CSMD1: variants seen among roughly 807,000 people sequenced by gnomAD.
CSMD1 encodes the protein CUB and sushi domain-containing protein 1.
In CSMD1, 213 loss-of-function variants were observed where a neutral mutation model predicts 417.5. The ratio of observed to expected loss-of-function variants is 0.51; its 90% CI spans 0.46 to 0.57. CSMD1 has a LOEUF of 0.57. Ranked by LOEUF, CSMD1 falls within the 20% of genes least tolerant of loss-of-function variation. The pLI, the probability that CSMD1 is intolerant of heterozygous loss-of-function variation, is 0.00. For synonymous variants in CSMD1, 2,862 were observed against 1,736.8 expected (o/e 1.65, Z -16.11); for missense variants, 6,923 against 4,529.7 (o/e 1.53, Z -15.17).
At chr8:4,731,551 A>C (rs1273317824) in intron 1 of CSMD1, among the ~76,000 whole-genome samples, 3 of 152,250 alleles carry the variant, frequency 2.0e-5, no homozygotes, top group African/African-American at 7.2e-5. Context: ...TTCATTAATT[A>C]TTAAATACAT....
intron 3 of CSMD1, among the ~76,000 whole-genome samples, chr8:4,217,678 G>T (rs992612169): frequency 5.3e-5 from 8 of 151,716 alleles, no homozygotes; most frequent in Non-Finnish European, 8.8e-5. Flanking sequence ...AAAATTAGGA[G>T]CTAATTTTGT....
chr8:4,858,622 C>G (rs7815296), intron 1 of CSMD1, among the ~76,000 whole-genome samples: 1 of 152,132 alleles, frequency 6.6e-6, no homozygotes, highest in South Asian at 2.1e-4. Context: ...ACACCAACAA[C>G]AGACAAACAG....
At chr8:4,117,715 A>C (rs1802238787) in intron 3 of CSMD1, among the ~76,000 whole-genome samples, 1 of 152,172 alleles carries the variant, frequency 6.6e-6, no homozygotes, top group African/African-American at 2.4e-5. Flanking sequence ...TAACTTCATC[A>C]CATAGCTTTT....
chr8:4,799,154 G>C (rs192660967), intron 1 of CSMD1, among the ~76,000 whole-genome samples: 1 of 152,230 alleles, frequency 6.6e-6, no homozygotes, highest in African/African-American at 2.4e-5. Context: ...TGAGAGATGT[G>C]CTTACATAAA....
chr8:3,036,072 T>C (rs1364625448), intron 50 of CSMD1, among the ~76,000 whole-genome samples: 1 of 152,196 alleles, frequency 6.6e-6, no homozygotes, highest in Non-Finnish European at 1.5e-5. Flanking sequence ...AAACAATATA[T>C]AGTCCTGTGC....
intron 3 of CSMD1, among the ~76,000 whole-genome samples, chr8:4,293,076 C>G (rs1051234721): frequency 2.0e-5 from 3 of 152,136 alleles, no homozygotes; most frequent in Non-Finnish European, 2.9e-5. Context: ...TGGAGTAGAA[C>G]CATGCACTGC....
At chr8:4,908,744 A>C (rs9987079) in intron 1 of CSMD1, among the ~76,000 whole-genome samples, 152,185 of 152,244 alleles carry the variant, frequency 1, 76,063 homozygotes, top group Middle Eastern at 1. Context: ...CTAGTAATTC[A>C]TTTTGATGCT....
chr8:2,974,682 G>T (rs185827255), intron 55 of CSMD1, 58 bp from the exon 56 acceptor site: 5 of 1,350,136 alleles, frequency 3.7e-6, no homozygotes, highest in Non-Finnish European at 5.0e-6. Flanking sequence ...ACTTTGTATT[G>T]GAAAATCTCC....
chr8:3,947,783 C>T (rs184995917), intron 5 of CSMD1, among the ~76,000 whole-genome samples: 6 of 152,274 alleles, frequency 3.9e-5, no homozygotes, highest in Non-Finnish European at 2.9e-5. Flanking sequence ...AGGACTGTGT[C>T]TTCCGCTGTT....
intron 51 of CSMD1, among the ~76,000 whole-genome samples, chr8:3,019,956 A>G (rs1426969057): frequency 6.6e-6 from 1 of 152,240 alleles, no homozygotes; most frequent in Non-Finnish European, 1.5e-5. Context: ...TAAGAGTGCT[A>G]GGTGAGCACT....
chr8:3,535,986 G>T (rs963692036), intron 10 of CSMD1, among the ~76,000 whole-genome samples: 3 of 152,126 alleles, frequency 2.0e-5, no homozygotes, highest in Non-Finnish European at 4.4e-5. Flanking sequence ...TCCAGGGAGG[G>T]ACTCTCCCAG....
intron 3 of CSMD1, among the ~76,000 whole-genome samples, chr8:4,140,659 C>G (rs529698386): frequency 2.0e-5 from 3 of 150,778 alleles, no homozygotes; most frequent in African/African-American, 7.5e-5. Context: ...CAGAGCAAGA[C>G]CCTGTCTCAA....
In CSMD1 at chr8:3,928,638, T is replaced by C. The variant is rs559572914; in HGVS notation, c.818+69265A>G. Among the ~76,000 whole-genome samples, 4 of 149,694 alleles carry C rather than the reference T, an allele frequency of 2.7e-5. No individual in the cohort carries two copies. In the South Asian group the frequency reaches 8.6e-4, roughly 32 times the overall value. On this transcript the variant is annotated intron_variant, in intron 5 of 69. Coordinates refer to ENST00000635120, the MANE Select transcript of CSMD1 (RefSeq NM_033225.6). Reference sequence around the variant, plus strand: ...GAAGGAGAAGGAAGTAATAAGAGTATACATGACAATAAAAATGGTTTAAAG... The same window carrying C: ...GAAGGAGAAGGAAGTAATAAGAGTACACATGACAATAAAAATGGTTTAAAG...
chr8:4,876,175 T>C (rs371735115), intron 1 of CSMD1, among the ~76,000 whole-genome samples: 3 of 152,062 alleles, frequency 2.0e-5, no homozygotes, highest in South Asian at 2.1e-4. Flanking sequence ...CCCTGCTGGG[T>C]AATAACATAA....
intron 3 of CSMD1, among the ~76,000 whole-genome samples, chr8:4,070,655 C>G (rs376217067): frequency 9.3e-4 from 141 of 152,266 alleles, no homozygotes; most frequent in African/African-American, 3.2e-3. Context: ...CCGTGCCCGG[C>G]CACCACCTAT....
chr8:4,671,102 G>C (rs946680053), intron 1 of CSMD1, among the ~76,000 whole-genome samples: 1 of 152,202 alleles, frequency 6.6e-6, no homozygotes, highest in African/African-American at 2.4e-5. Flanking sequence ...TCTGTGGCTT[G>C]AAAAACTAGC....
At chr8:4,188,555 T>G (rs1164445016) in intron 3 of CSMD1, among the ~76,000 whole-genome samples, 1 of 152,132 alleles carries the variant, frequency 6.6e-6, no homozygotes, top group Non-Finnish European at 1.5e-5. Context: ...ATTCAGGCAG[T>G]ATGAGGTAGA....
At chr8:4,132,504 A>G (rs1186032873) in intron 3 of CSMD1, among the ~76,000 whole-genome samples, 2 of 152,152 alleles carry the variant, frequency 1.3e-5, no homozygotes, top group African/African-American at 4.8e-5. Context: ...ACATTTTATT[A>G]GGCATTCCCC....
At position 4,491,574 on chromosome 8, in the gene CSMD1, G is replaced by A. The variant is rs562854849; in HGVS notation, c.303-71509C>T. Among the ~76,000 whole-genome samples, 6 of 152,166 alleles carry A rather than the reference G, an allele frequency of 3.9e-5. No homozygotes were observed. In the South Asian group the frequency reaches 1.0e-3, roughly 26 times the overall value. On this transcript the variant is annotated intron_variant, in intron 2 of 69. Coordinates refer to ENST00000635120, the MANE Select transcript of CSMD1 (RefSeq NM_033225.6). ...ATTTTGCAATGTTTAAAAAAAGTGG[G>A]CAAAAGGTCTGAACAGACACCTCAT...
Sources: allele counts gnomAD v4.1 joint callset (sites outside exome capture counted in the v4.1 genomes callset), GRCh38; gene constraint gnomAD v4.1.1; transcripts MANE v1.5; gene names NCBI Gene and HGNC (gene_info 2026-07-23, HGNC 2026-07-21).